Variants in RBMS3 observed in about 807,000 individuals in gnomAD.
RBMS3 encodes RNA-binding motif, single-stranded-interacting protein 3.
Under a neutral mutation model 66.8 loss-of-function variants are expected in RBMS3, and 27 were observed. The observed-to-expected ratio is 0.40, with a 90% confidence interval of 0.30 to 0.56. The LOEUF is 0.56. RBMS3 is among the 20% of genes least tolerant of loss of function. RBMS3 has a pLI of 0.40. For missense variants in RBMS3, 513 were observed against 549.5 expected (o/e 0.93, Z 0.66); for synonymous variants, 188 against 183.0 (o/e 1.03, Z -0.22).
chr3:29,758,179 G>A (rs935244146), intron 5 of RBMS3, among the ~76,000 whole-genome samples: 3 of 152,158 alleles, frequency 2.0e-5, no homozygotes, highest in African/African-American at 7.2e-5. Context: ...TGGGTAGAGT[G>A]GAGCTAGCAG....
At chr3:29,507,331 C>T (rs146825165) in intron 3 of RBMS3, among the ~76,000 whole-genome samples, 5 of 151,944 alleles carry the variant, frequency 3.3e-5, no homozygotes, top group African/African-American at 1.2e-4. Flanking sequence ...CACATGAATG[C>T]AACCTTTGCT....
intron 2 of RBMS3, among the ~76,000 whole-genome samples, chr3:29,485,868 T>A (rs1161825897): frequency 6.6e-6 from 1 of 152,130 alleles, no homozygotes; most frequent in Admixed American, 6.5e-5. Context: ...GGTGGCATAG[T>A]TGAAGAAAGA....
At chr3:29,818,737 A>C (rs2057989792) in intron 6 of RBMS3, among the ~76,000 whole-genome samples, 1 of 152,176 alleles carries the variant, frequency 6.6e-6, no homozygotes, top group Non-Finnish European at 1.5e-5. Flanking sequence ...TATTAGTAAA[A>C]TAATAATCAG....
intron 8 of RBMS3, among the ~76,000 whole-genome samples, chr3:29,886,603 G>A (rs2059876996): frequency 6.6e-6 from 1 of 151,802 alleles, no homozygotes; most frequent in South Asian, 2.1e-4. Context: ...TGGGGTGAAA[G>A]TTTCTTGTGA....
chr3:29,334,401 A>T (rs1192428594), intron 1 of RBMS3, among the ~76,000 whole-genome samples: 1 of 152,130 alleles, frequency 6.6e-6, no homozygotes, highest in Non-Finnish European at 1.5e-5. Context: ...ATTTTGCATT[A>T]TTTAGTAGCT....
At chr3:29,777,016 G>A (rs541991810) in intron 6 of RBMS3, among the ~76,000 whole-genome samples, 1 of 152,002 alleles carries the variant, frequency 6.6e-6, no homozygotes, top group African/African-American at 2.4e-5. Context: ...CTGTGTTAAT[G>A]TAGTCATACA....
intron 3 of RBMS3, among the ~76,000 whole-genome samples, chr3:29,509,628 T>A (rs1005500251): frequency 3.9e-5 from 6 of 152,170 alleles, no homozygotes; most frequent in African/African-American, 1.4e-4. Flanking sequence ...ACTCAGCTGA[T>A]AAATTCCTCA....
At chr3:29,385,384 A>G (rs2038968783) in intron 1 of RBMS3, among the ~76,000 whole-genome samples, 1 of 152,156 alleles carries the variant, frequency 6.6e-6, no homozygotes, top group South Asian at 2.1e-4. Context: ...GAACTCGGTC[A>G]TACAGAAAAT....
intron 3 of RBMS3, among the ~76,000 whole-genome samples, chr3:29,517,284 T>A: frequency 7.3e-6 from 1 of 136,424 alleles, no homozygotes; most frequent in East Asian, 2.5e-4. Flanking sequence ...TGTGTGTGTG[T>A]GTGTGTGTGT....
At chr3:29,470,293 T>C (rs1204280406) in intron 2 of RBMS3, among the ~76,000 whole-genome samples, 1 of 151,966 alleles carries the variant, frequency 6.6e-6, no homozygotes, top group Non-Finnish European at 1.5e-5. Flanking sequence ...TTATCTAACA[T>C]GCAATTGAAA....
intron 6 of RBMS3, among the ~76,000 whole-genome samples, chr3:29,829,878 T>TGCATACA: frequency 6.6e-6 from 1 of 152,152 alleles, no homozygotes; most frequent in Non-Finnish European, 1.5e-5. Flanking sequence ...CAGTCCCATT[T>TGCATACA]CTCATGCATA....
chr3:29,787,467 T>C (rs928420609), intron 6 of RBMS3, among the ~76,000 whole-genome samples: 3 of 149,766 alleles, frequency 2.0e-5, no homozygotes, highest in Admixed American at 6.7e-5. Flanking sequence ...ATAAAGAAAA[T>C]GTGGTATATA....
At chr3:29,754,943 T>G (rs2055340189) in intron 5 of RBMS3, among the ~76,000 whole-genome samples, 2 of 152,142 alleles carry the variant, frequency 1.3e-5, no homozygotes, top group Admixed American at 6.6e-5. Context: ...CAGCCATGAC[T>G]GAAGCCCTGT....
At position 29,786,781 on chromosome 3, in the gene RBMS3, G is replaced by T. The variant is rs1019837152; in HGVS notation, c.637+23792G>T. 3.9e-5 allele frequency among the ~76,000 whole-genome samples: 6 copies of T among 152,122 alleles called. No individual in the cohort carries two copies. The South Asian group carries it at 1.2e-3, about 32-fold the overall frequency. On this transcript the variant is annotated intron_variant, in intron 6 of 14. Coordinates refer to ENST00000383767, the MANE Select transcript of RBMS3 (RefSeq NM_001003793.3). ...AAAACCTTTCTAGACATTGGCTTAGGCAAGTACTTTATGACCAAGAACCCA... is the reference window on the plus strand; with the variant it reads ...AAAACCTTTCTAGACATTGGCTTAGTCAAGTACTTTATGACCAAGAACCCA...
At chr3:29,463,073 A>G (rs767889509) in intron 2 of RBMS3, among the ~76,000 whole-genome samples, 1 of 152,236 alleles carries the variant, frequency 6.6e-6, no homozygotes, top group Non-Finnish European at 1.5e-5. Flanking sequence ...AGTATATTTT[A>G]AAGAGATCTG....
At chr3:29,976,424 A>G (rs1471460478) in intron 12 of RBMS3, among the ~76,000 whole-genome samples, 1 of 152,130 alleles carries the variant, frequency 6.6e-6, no homozygotes, top group Admixed American at 6.6e-5. Flanking sequence ...CCTTAAGCAA[A>G]TAGCCTCCTT....
intron 10 of RBMS3, among the ~76,000 whole-genome samples, chr3:29,933,335 A>G (rs891920840): frequency 6.6e-6 from 1 of 152,138 alleles, no homozygotes. Flanking sequence ...TTTATGTCAT[A>G]TACAATACAA....
At chr3:29,914,003 G>T (rs1201743663) in intron 10 of RBMS3, among the ~76,000 whole-genome samples, 1 of 151,916 alleles carries the variant, frequency 6.6e-6, no homozygotes, top group Non-Finnish European at 1.5e-5. Context: ...ATGATTGATG[G>T]ATACTACATA....
intron 8 of RBMS3, among the ~76,000 whole-genome samples, chr3:29,892,038 A>G (rs1236191224): frequency 3.3e-5 from 5 of 151,556 alleles, no homozygotes; most frequent in Non-Finnish European, 7.4e-5. Context: ...TTTTATTGTC[A>G]GTGAAATAAG....
Sources: gnomAD v4.1 joint callset for allele counts (sites outside exome capture counted in the v4.1 genomes callset) on GRCh38, gnomAD v4.1.1 for gene constraint, MANE v1.5 for transcripts, NCBI Gene and HGNC (gene_info 2026-07-23, HGNC 2026-07-21) for gene names.